ZC3HAV1L: variants seen among roughly 807,000 people sequenced by gnomAD.
ZC3HAV1L encodes ZC3HAV1 like.
ZC3HAV1L carries 23 observed loss-of-function variants against 28.2 expected under a neutral mutation model. That is an observed-to-expected ratio of 0.82 (90% CI 0.59 to 1.16). The LOEUF (loss-of-function observed/expected upper bound fraction) is 1.16. Among genes scored for constraint, ZC3HAV1L ranks in the 50% most tolerant of loss-of-function variants. The pLI is 0.00. For missense variants in ZC3HAV1L, 376 were observed against 387.7 expected (o/e 0.97, Z 0.25); for synonymous variants, 180 against 163.4 (o/e 1.10, Z -0.78).
At chr7:139,023,329 C>G (rs1223246446), downstream of ZC3HAV1L, among the ~76,000 whole-genome samples, 1 of 151,994 alleles carries the variant, frequency 6.6e-6, no homozygotes, top group Admixed American at 6.6e-5. Context: ...TCAATCAGAA[C>G]ATTTCTCATA....
chr7:139,021,872 T>C (rs1815254324), downstream of ZC3HAV1L, among the ~76,000 whole-genome samples: 2 of 152,150 alleles, frequency 1.3e-5, no homozygotes, highest in African/African-American at 2.4e-5. Context: ...ATACCTATGA[T>C]TTTATATTTA....
chr7:139,034,012 C>T, intron 2 of ZC3HAV1L: 1 of 985,434 alleles, frequency 1.0e-6, no homozygotes, highest in Admixed American at 6.1e-5. Flanking sequence ...CCTGCTTGTT[C>T]CTGAGATCAA....
intron 1 of ZC3HAV1L, chr7:139,034,999 G>A (rs935855447): frequency 7.1e-6 from 7 of 984,654 alleles, no homozygotes; most frequent in African/African-American, 7.0e-5. Flanking sequence ...GTCCACCAAC[G>A]TTAAAAAGAA....
rs1443368051 is a variant in ZC3HAV1L at position 139,034,793 on chromosome 7, A to C, written c.366-115T>G. 1.6e-5 allele frequency: 24 copies of C among 1,468,312 alleles called. 1 individual carries two copies. The highest frequency in any genetic ancestry group is 2.2e-5 in the Non-Finnish European group (24 of 1,107,894). The allele number at this position is 1,468,312 out of a possible 1,614,324, so 91.0% of individuals were successfully genotyped here. On this transcript the variant is annotated intron_variant, in intron 1 of 4. Coordinates refer to ENST00000275766, the MANE Select transcript of ZC3HAV1L (RefSeq NM_080660.4). ...ATACATGTGAAGTTGAGTAATTTTC[A>C]TGAAACCGGGGATAGTATGGCCTAA... is the stretch of plus-strand genomic sequence containing the variant.
At chr7:139,032,627 A>G (rs1322617252) in intron 2 of ZC3HAV1L, among the ~76,000 whole-genome samples, 1 of 151,490 alleles carries the variant, frequency 6.6e-6, no homozygotes, top group African/African-American at 2.4e-5. Flanking sequence ...CATCTCAAAA[A>G]AAAAGAAATA....
At chr7:139,034,020 C>T in intron 2 of ZC3HAV1L, 2 of 985,466 alleles carry the variant, frequency 2.0e-6, no homozygotes, top group Non-Finnish European at 2.4e-6. Context: ...TTCCTGAGAT[C>T]AACTCCAGGA....
Position 139,035,803 on chromosome 7 carries a change from ACCGCGCCGG to A in ZC3HAV1L, c.206_214del (p.Ala69_Ala71del), listed in dbSNP as rs746341322. On this transcript the variant is annotated inframe_deletion, in exon 1 of 5. Coordinates refer to ENST00000275766, the MANE Select transcript of ZC3HAV1L (RefSeq NM_080660.4). The stretch of plus-strand genomic sequence containing the variant: ...CCAGGCGGAGGTGCCGCCACCGCCC[ACCGCGCCGG>A]CCGCCGCCTCGGCCTCCGCGTCCCC... 8 of 1,486,964 alleles carry A rather than the reference ACCGCGCCGG, an allele frequency of 5.4e-6. No homozygotes were observed. Among genetic ancestry groups the A allele is most frequent in the South Asian group, 2.6e-5 (2 of 78,116 alleles). The allele number at this position is 1,486,964 out of a possible 1,614,324, so 92.1% of individuals were successfully genotyped here.
At position 139,026,261 on chromosome 7, in the gene ZC3HAV1L, TG is replaced by T. The variant is rs969831772; in HGVS notation, c.*282del. On this transcript the variant is annotated 3_prime_UTR_variant, in exon 5 of 5. Transcript: ENST00000275766. ...AAGATGCTTATGAGACAATATTAAG[TG>T]AAAAAAAAAAATGAGTGCAAAGTAC... 4.7e-6 allele frequency: 2 copies of T among 427,006 alleles called. No homozygotes were observed. The highest frequency in any genetic ancestry group is 8.2e-6 in the Non-Finnish European group (2 of 244,852). 26.5% of individuals were successfully genotyped at this position (427,006 alleles called of 1,614,324 possible).
chr7:139,023,324 CAG>C (rs1321954734), downstream of ZC3HAV1L, among the ~76,000 whole-genome samples: 1 of 151,864 alleles, frequency 6.6e-6, no homozygotes, highest in Non-Finnish European at 1.5e-5. Context: ...AATATTCAAT[CAG>C]AACATTTCTC....
chr7:139,028,577 T>C, intron 3 of ZC3HAV1L, 125 bp downstream of exon 3: 1 of 1,288,190 alleles, frequency 7.8e-7, no homozygotes, highest in South Asian at 1.5e-5. Context: ...AGAACAAAGA[T>C]GAAATTAACA....
intron 2 of ZC3HAV1L, among the ~76,000 whole-genome samples, chr7:139,032,918 A>G (rs1351687955): frequency 1.3e-5 from 2 of 152,180 alleles, no homozygotes; most frequent in Non-Finnish European, 2.9e-5. Context: ...ATGAAACTAT[A>G]TAAGCCTGGC....
chr7:139,023,717 C>T (rs1787577525), downstream of ZC3HAV1L, among the ~76,000 whole-genome samples: 1 of 152,172 alleles, frequency 6.6e-6, no homozygotes, highest in African/African-American at 2.4e-5. Context: ...TAAAACAGGG[C>T]TACCATCACT....
At chr7:139,034,135 C>G (rs950201271) in intron 2 of ZC3HAV1L, 7 of 985,302 alleles carry the variant, frequency 7.1e-6, no homozygotes, top group Admixed American at 1.2e-4. Flanking sequence ...CCTTTCTAGA[C>G]GCTGAAATGC....
At chr7:139,026,639 A>G in intron 4 of ZC3HAV1L, 69 bp downstream of exon 4, 5 of 1,612,686 alleles carry the variant, frequency 3.1e-6, no homozygotes, top group Non-Finnish European at 4.2e-6. Flanking sequence ...GCTAAACAGA[A>G]GGCTTGTTTT....
Position 139,028,703 on chromosome 7 carries a change from T to G in ZC3HAV1L, c.759A>C (p.Thr253=). Residue 253 remains threonine, a splice_region_variant and synonymous_variant, in exon 3 of 5, where the codon ACA becomes ACC. Coordinates refer to ENST00000275766, the MANE Select transcript of ZC3HAV1L (RefSeq NM_080660.4). ...TCTGTCCTTCTTGGATATTCCTACC[T>G]GTATTTTCAAGCATCTTGTGCAGCT... ...HMKLHKMLEN[T]DNSSPSTEHS... 1 of 1,612,944 alleles carries G rather than the reference T, an allele frequency of 6.2e-7. No individual in the cohort carries two copies. The highest frequency in any genetic ancestry group is 8.5e-7 in the Non-Finnish European group (1 of 1,179,102).
chr7:139,028,386 AAAAC>A, intron 3 of ZC3HAV1L, among the ~76,000 whole-genome samples: 1 of 151,298 alleles, frequency 6.6e-6, no homozygotes, highest in Non-Finnish European at 1.5e-5. Context: ...AAAAAAAACA[AAAAC>A]AAAACCTGTT....
chr7:139,034,143 T>A (rs1014802588), intron 2 of ZC3HAV1L: 2 of 985,276 alleles, frequency 2.0e-6, no homozygotes, highest in Admixed American at 6.2e-5. Flanking sequence ...GACGCTGAAA[T>A]GCATTAGAGT....
intron 1 of ZC3HAV1L, 21 bp downstream of exon 1, chr7:139,035,632 C>T: frequency 5.8e-6 from 8 of 1,387,806 alleles, no homozygotes; most frequent in Non-Finnish European, 6.5e-6. Flanking sequence ...CCACAGTCCC[C>T]GCCCGCCGCC....
downstream of ZC3HAV1L, chr7:139,022,560 A>G (rs970574447): frequency 8.7e-5 from 17 of 196,190 alleles, no homozygotes; most frequent in Non-Finnish European, 1.5e-4. Flanking sequence ...AACGTCGGAG[A>G]AGGAGGAAAA....
Sources: gnomAD v4.1 joint callset for allele counts (sites outside exome capture counted in the v4.1 genomes callset) on GRCh38, gnomAD v4.1.1 for gene constraint, MANE v1.5 for transcripts, NCBI Gene and HGNC (gene_info 2026-07-23, HGNC 2026-07-21) for gene names.